Variants in DLGAP2 observed in about 807,000 individuals in gnomAD.
DLGAP2 encodes the protein DLG associated protein 2.
DLGAP2 carries 26 observed loss-of-function variants against 100.3 expected under a neutral mutation model. The ratio of observed to expected loss-of-function variants is 0.26; its 90% confidence interval spans 0.19 to 0.36. The LOEUF (loss-of-function observed/expected upper bound fraction) is 0.36. Ranked by LOEUF, DLGAP2 falls within the 10% of genes least tolerant of loss-of-function variation. DLGAP2 has a pLI of 1.00. For missense variants in DLGAP2, 1,858 were observed against 1,453.2 expected, an observed-to-expected ratio of 1.28 and a Z score of -4.53; for synonymous variants, 886 against 630.1, an observed-to-expected ratio of 1.41 and a Z score of -6.08.
intron 2 of DLGAP2, among the ~76,000 whole-genome samples, chr8:1,008,211 G>A (rs74613174): frequency 1.6e-4 from 25 of 152,332 alleles, no homozygotes; most frequent in Non-Finnish European, 2.8e-4. Flanking sequence ...AAAGATAAAT[G>A]TCAGTAGTTA....
chr8:1,694,659 C>CG (rs1359340811), intron 13 of DLGAP2, among the ~76,000 whole-genome samples: 1 of 152,126 alleles, frequency 6.6e-6, no homozygotes, highest in Non-Finnish European at 1.5e-5. Context: ...CATCCAACCC[C>CG]GGGGGGTGTG....
intron 5 of DLGAP2, among the ~76,000 whole-genome samples, chr8:1,564,291 C>T (rs1014366003): frequency 3.3e-5 from 5 of 152,188 alleles, no homozygotes; most frequent in African/African-American, 1.2e-4. Flanking sequence ...GTTCCAGTTC[C>T]ATGACTTTTT....
intron 1 of DLGAP2, among the ~76,000 whole-genome samples, chr8:869,858 A>T (rs1797564987): frequency 6.6e-6 from 1 of 151,902 alleles, no homozygotes; most frequent in Non-Finnish European, 1.5e-5. Context: ...GAACAGCAGG[A>T]CTCTGCTCAG....
chr8:1,536,545 G>T (rs916616915), intron 4 of DLGAP2, among the ~76,000 whole-genome samples: 5 of 152,128 alleles, frequency 3.3e-5, no homozygotes, highest in African/African-American at 1.2e-4. Context: ...AGCATTTTGA[G>T]CCTGGCGTGA....
At chr8:1,334,421 G>C (rs1483237099) in intron 3 of DLGAP2, among the ~76,000 whole-genome samples, 1 of 152,196 alleles carries the variant, frequency 6.6e-6, no homozygotes, top group Non-Finnish European at 1.5e-5. Flanking sequence ...CAAGGAGTCG[G>C]TGAATTTTCT....
chr8:1,606,395 CCGT>C, intron 6 of DLGAP2, among the ~76,000 whole-genome samples: 1 of 152,092 alleles, frequency 6.6e-6, no homozygotes, highest in East Asian at 1.9e-4. Flanking sequence ...AAACCCTGTA[CCGT>C]CACTCCCCAC....
chr8:1,481,723 C>G (rs1311379452), intron 3 of DLGAP2, among the ~76,000 whole-genome samples: 2 of 152,054 alleles, frequency 1.3e-5, no homozygotes, highest in Non-Finnish European at 2.9e-5. Context: ...GGTGATCCAC[C>G]CGCCTCAGCC....
At chr8:759,149 A>G in intron 1 of DLGAP2, among the ~76,000 whole-genome samples, 1 of 72,468 alleles carries the variant, frequency 1.4e-5, no homozygotes, top group South Asian at 9.2e-4. Flanking sequence ...CTTTCCCATT[A>G]TCAATACCCC....
chr8:1,114,242 T>C (rs1805048478), intron 2 of DLGAP2, among the ~76,000 whole-genome samples: 1 of 152,214 alleles, frequency 6.6e-6, no homozygotes, highest in South Asian at 2.1e-4. Flanking sequence ...TCCCTCCTTT[T>C]CAGTTTTTTT....
intron 13 of DLGAP2, among the ~76,000 whole-genome samples, chr8:1,693,175 T>C (rs34364599): frequency 1.0e-4 from 15 of 147,938 alleles, no homozygotes; most frequent in Non-Finnish European, 1.5e-4. Context: ...ATATTTTATA[T>C]ATACAAATAT....
chr8:1,485,413 G>A (rs578098061), intron 3 of DLGAP2, among the ~76,000 whole-genome samples: 2 of 152,368 alleles, frequency 1.3e-5, no homozygotes, highest in East Asian at 3.9e-4. Context: ...AGGAAAACCA[G>A]TTGAGAGGCA....
intron 2 of DLGAP2, among the ~76,000 whole-genome samples, chr8:1,213,522 T>A (rs17065820): frequency 6.6e-6 from 1 of 152,104 alleles, no homozygotes; most frequent in Non-Finnish European, 1.5e-5. Flanking sequence ...ATATCACCCG[T>A]GTTTTAGTGA....
intron 2 of DLGAP2, among the ~76,000 whole-genome samples, chr8:1,149,614 A>G (rs10095207): frequency 0.43 from 64,976 of 152,048 alleles, 15,481 homozygotes; most frequent in Non-Finnish European, 0.55. Flanking sequence ...TTCTTTAAGC[A>G]TATAGTTGTT....
At chr8:1,324,498 C>T (rs1427647306) in intron 3 of DLGAP2, among the ~76,000 whole-genome samples, 5 of 152,224 alleles carry the variant, frequency 3.3e-5, no homozygotes, top group Admixed American at 1.3e-4. Flanking sequence ...AGAGCAGGCA[C>T]CTTCTTCCCA....
At chr8:1,081,575 C>A (rs1460436118) in intron 2 of DLGAP2, among the ~76,000 whole-genome samples, 1 of 152,088 alleles carries the variant, frequency 6.6e-6, no homozygotes, top group Non-Finnish European at 1.5e-5. Context: ...GGTCTTGAAA[C>A]CCTGTCCTCA....
rs1046335448 is a variant in DLGAP2 at position 1,254,369 on chromosome 8, C to T, written c.74-4482C>T. On this transcript the variant is annotated intron_variant, in intron 2 of 14. Coordinates refer to ENST00000637795, the MANE Select transcript of DLGAP2 (RefSeq NM_001346810.2). ...GAGGCCAGAGTGGATCCCACAGTTCCTGACATGCATGTTCACTCCGTTTTC... is the reference window on the plus strand; with the variant it reads ...GAGGCCAGAGTGGATCCCACAGTTCTTGACATGCATGTTCACTCCGTTTTC... Among the ~76,000 whole-genome samples, 5 of 152,106 alleles carry T rather than the reference C, an allele frequency of 3.3e-5. No homozygotes were observed. The South Asian group carries it at 1.0e-3, about 32-fold the overall frequency.
chr8:1,483,438 G>A (rs539643590), intron 3 of DLGAP2, among the ~76,000 whole-genome samples: 63 of 151,202 alleles, frequency 4.2e-4, no homozygotes, highest in African/African-American at 1.2e-3. Context: ...GAACTGCTGT[G>A]TAAGAGGCTC....
At chr8:1,185,948 C>A (rs948337390) in intron 2 of DLGAP2, among the ~76,000 whole-genome samples, 4 of 152,162 alleles carry the variant, frequency 2.6e-5, no homozygotes, top group Non-Finnish European at 5.9e-5. Flanking sequence ...GTTCCATGAT[C>A]TCGGGGCCTC....
intron 8 of DLGAP2, among the ~76,000 whole-genome samples, chr8:1,655,178 T>C (rs1798255865): frequency 1.3e-5 from 2 of 152,204 alleles, no homozygotes; most frequent in South Asian, 4.1e-4. Context: ...AGGAAAACCA[T>C]TGTGTGTATG....
Sources: allele counts gnomAD v4.1 joint callset (sites outside exome capture counted in the v4.1 genomes callset), GRCh38; gene constraint gnomAD v4.1.1; transcripts MANE v1.5; gene names NCBI Gene and HGNC (gene_info 2026-07-23, HGNC 2026-07-21).